Variants in KRT3 observed in about 807,000 individuals in gnomAD.
KRT3 encodes keratin, type II cytoskeletal 3.
KRT3 carries 34 observed loss-of-function variants against 45.8 expected under a neutral mutation model. The observed-to-expected ratio is 0.74, with a 90% CI of 0.57 to 0.99. KRT3 has a LOEUF of 0.99. Among genes scored for constraint, KRT3 ranks in the 50% least tolerant of loss-of-function variants. The probability of loss-of-function intolerance (pLI) is 0.00; values close to 1 mark genes in which losing one functional copy is unlikely to be tolerated. For synonymous variants in KRT3, 367 were observed against 329.0 expected (o/e 1.12, Z -1.25); for missense variants, 828 against 820.6 (o/e 1.01, Z -0.11).
chr12:52,789,876 A>G lies in KRT3; in HGVS notation c.*166T>C. The G allele has an allele frequency of 1.4e-6, 1 of 727,164 alleles. No individual in the cohort carries two copies. The highest frequency in any genetic ancestry group is 2.3e-6 in the Non-Finnish European group (1 of 431,732). The allele number at this position is 727,164 out of a possible 1,614,324, so 45.0% of individuals were successfully genotyped here. A position where few individuals can be genotyped will look rare whatever the true frequency, so the allele number is the denominator to read the frequency against. On this transcript the variant is annotated 3_prime_UTR_variant, in exon 9 of 9. Transcript: ENST00000417996. ...GAGAGAAGAGCCTGAAATTCTCGTG[A>G]CTGGGCTTGGCCGGGGATCTGGAAG...
chr12:52,792,525 C>T, intron 4 of KRT3, 122 bp from the exon 5 acceptor site: 1 of 1,093,354 alleles, frequency 9.1e-7, no homozygotes, highest in Non-Finnish European at 1.4e-6. Flanking sequence ...GTATCAGCCA[C>T]ACCCTGTCCG....
intron 4 of KRT3, 139 bp from the exon 5 acceptor site, chr12:52,792,542 C>T (rs1565678316): frequency 2.0e-6 from 2 of 999,606 alleles, no homozygotes; most frequent in Non-Finnish European, 3.1e-6. Flanking sequence ...TCCGCAGCCA[C>T]TCAGAGAACC....
chr12:52,794,397 C>G (rs1469422894), intron 1 of KRT3, 66 bp from the exon 2 acceptor site: 3 of 1,209,152 alleles, frequency 2.5e-6, no homozygotes, highest in Admixed American at 3.4e-5. Flanking sequence ...GGCCTTCACT[C>G]AGGTAGGACT....
intron 3 of KRT3, 48 bp from the exon 4 acceptor site, chr12:52,792,854 G>T: frequency 8.1e-7 from 1 of 1,237,654 alleles, no homozygotes; most frequent in Non-Finnish European, 1.2e-6. Flanking sequence ...TGAACAAACA[G>T]CAAACCACAA....
intron 5 of KRT3, 52 bp downstream of exon 5, chr12:52,792,187 A>T: frequency 6.5e-7 from 1 of 1,532,536 alleles, no homozygotes; most frequent in Non-Finnish European, 9.0e-7. Context: ...CCAATAGGCC[A>T]TGGCCTCTCT....
chr12:52,794,043 G>A (rs771542642), intron 2 of KRT3, 68 bp downstream of exon 2: 44 of 1,264,532 alleles, frequency 3.5e-5, no homozygotes, highest in Middle Eastern at 4.9e-4. Context: ...CAGGGGGCAT[G>A]TAGAAGGGGC....
At position 52,794,242 on chromosome 12, in the gene KRT3, G is replaced by C. The variant is rs762989962; in HGVS notation, c.735C>G (p.Asn245Lys). The C allele has an allele frequency of 6.2e-6, 10 of 1,614,020 alleles. No homozygotes were observed. Among genetic ancestry groups the C allele is most frequent in the Non-Finnish European group, 8.5e-6 (10 of 1,179,976 alleles). The change falls in exon 2 of 9, where the codon AAC becomes AAG. Residue 245 changes from asparagine to lysine, a missense_variant. By Grantham distance (94) the Asn-to-Lys change is moderately conservative (BLOSUM62 0). Coordinates refer to ENST00000417996, the MANE Select transcript of KRT3 (RefSeq NM_057088.3). Reference protein sequence around the residue: ...QQGTSSISGTNNLEPLFENHI... With the variant: ...QQGTSSISGTKNLEPLFENHI... ...GATTCTCAAAAAGAGGCTCAAGGTT[G>C]TTTGTGCCTGAGATGGAACTTGTGC... is the stretch of plus-strand genomic sequence containing the variant.
In KRT3 at chr12:52,791,430, G is replaced by C. The variant is rs1196491663; in HGVS notation, c.1315-4C>G. 6.2e-7 allele frequency: 1 copy of C among 1,613,918 alleles called. No homozygotes were observed. Among genetic ancestry groups the C allele is most frequent in the South Asian group, 1.1e-5 (1 of 91,060 alleles). ...TGGCCGTCTGCAGGTTGGCATTCTG[G>C]GGCAAGGGAGGTAGGAGGAATGAGC... On this transcript the variant is annotated splice_region_variant and splice_polypyrimidine_tract_variant and intron_variant, in intron 6 of 8. Coordinates refer to ENST00000417996, the MANE Select transcript of KRT3 (RefSeq NM_057088.3).
rs757365353 is a variant in KRT3, at chr12:52,795,792, C to T, written c.251G>A (p.Arg84Gln). The T allele has an allele frequency of 2.4e-5, 39 of 1,613,932 alleles. No homozygotes were observed. The highest frequency in any genetic ancestry group is 5.0e-5 in the Admixed American group (3 of 60,004). Residue 84 changes from arginine to glutamine, a missense_variant, in exon 1 of 9, where the codon CGG becomes CAG. Arg to Gln is a conservative substitution (Grantham distance 43). Transcript: ENST00000417996. ...GCCACCTGCAAAGGCACAGCTGCTC[C>T]GCCCTCCCCCAAAGCCTCCAGCCCG... ...GSRAGGFGGG[R>Q]SSCAFAGGYG... is the part of the protein sequence containing the mutation.
In KRT3 at chr12:52,790,874, T is replaced by C. The variant is rs765471128; in HGVS notation, c.1536-2A>G. 9 of 1,597,072 alleles carry C rather than the reference T, an allele frequency of 5.6e-6. No individual in the cohort carries two copies. The highest frequency in any genetic ancestry group is 1.3e-5 in the African/African-American group (1 of 74,590). On this transcript the variant is annotated splice_acceptor_variant, in intron 7 of 8. Transcript: ENST00000417996. LOFTEE classifies it high-confidence loss of function. Reference sequence around the variant, plus strand: ...GCACTCGGACACTCTCCAGACATCCTGTTTGAGAAAGCAAGAGAAAGTGGG... The same window carrying C: ...GCACTCGGACACTCTCCAGACATCCCGTTTGAGAAAGCAAGAGAAAGTGGG...
intron 2 of KRT3, among the ~76,000 whole-genome samples, 182 bp from the exon 3 acceptor site, chr12:52,793,405 A>G (rs908722586): frequency 4.6e-5 from 7 of 152,152 alleles, no homozygotes; most frequent in Non-Finnish European, 7.3e-5. Context: ...CAATTTGCCC[A>G]GGCAAACTGT....
At chr12:52,793,079 T>C in intron 3 of KRT3, 84 bp downstream of exon 3, 1 of 1,094,012 alleles carries the variant, frequency 9.1e-7, no homozygotes, top group Non-Finnish European at 1.4e-6. Flanking sequence ...TTGGCAGCTC[T>C]GTGGCAGTGG....
At chr12:52,790,526 C>T (rs1216138160) in intron 8 of KRT3, among the ~76,000 whole-genome samples, 168 bp from the exon 9 acceptor site, 3 of 152,180 alleles carry the variant, frequency 2.0e-5, no homozygotes, top group Admixed American at 6.5e-5. Context: ...ACTCCCCTGC[C>T]GTTAAGCCAT....
chr12:52,795,059 G>A (rs1247568617), intron 1 of KRT3, among the ~76,000 whole-genome samples: 2 of 152,174 alleles, frequency 1.3e-5, no homozygotes, highest in South Asian at 2.1e-4. Context: ...CATTCTTGGT[G>A]GACCCTTCGC....
At position 52,790,833 on chromosome 12, in the gene KRT3, C is replaced by T. The variant is rs779664762; in HGVS notation, c.1570+5G>A. The T allele has an allele frequency of 5.0e-6, 8 of 1,590,002 alleles. No homozygotes were observed. The highest frequency in any genetic ancestry group is 1.1e-5 in the South Asian group (1 of 87,294). ...CTCATTTTCTTAGCTACTTTCGGTA[C>T]TTACAGATGCTGACAGCACTCGGAC... On this transcript the variant is annotated splice_donor_5th_base_variant and intron_variant, in intron 8 of 8. Transcript: ENST00000417996.
chr12:52,794,437 A>G (rs1939594594), intron 1 of KRT3, 106 bp from the exon 2 acceptor site: 3 of 754,680 alleles, frequency 4.0e-6, no homozygotes, highest in Non-Finnish European at 6.8e-6. Flanking sequence ...CCCCAGCACA[A>G]AGGCCTAGAA....
chr12:52,790,143 G>A lies in KRT3; in HGVS notation c.1786C>T (p.Arg596Cys), dbSNP rs1263633779. ...GSGFGSISGA[R>C]YGVSGGGFSS... ...AAGCCCCCGCCACTGACTCCATAGC[G>A]GGCGCCAGAGATGGAGCCAAAGCCG... The change falls in exon 9 of 9, where the codon CGC becomes TGC. Residue 596 changes from arginine to cysteine, a missense_variant. Transcript: ENST00000417996. The A allele has an allele frequency of 6.8e-7, 1 of 1,471,434 alleles. No homozygotes were observed. 91.1% of individuals were successfully genotyped at this position (1,471,434 alleles called of 1,614,324 possible). A position where few individuals can be genotyped will look rare whatever the true frequency, so the allele number is the denominator to read the frequency against.
chr12:52,795,568 C>T lies in KRT3; in HGVS notation c.475G>A (p.Gly159Ser), dbSNP rs1939618003. The T allele has an allele frequency of 1.2e-6, 2 of 1,610,444 alleles. No homozygotes were observed. The highest frequency in any genetic ancestry group is 1.7e-6 in the Non-Finnish European group (2 of 1,178,166). The change falls in exon 1 of 9, where the codon GGT becomes AGT. Residue 159 changes from glycine to serine, a missense_variant. Physicochemically the swap from Gly to Ser is moderately conservative, Grantham distance 56. Transcript: ENST00000417996. ...GGAAAGCCCCCAGGGCCAAAGCCAC[C>T]AGGACTGCCCAAGCTGCCAGGCCCA... ...FGGPGSLGSP[G>S]GFGPGGFPGG...
At chr12:52,794,412 G>A (rs1939594007) in intron 1 of KRT3, 81 bp from the exon 2 acceptor site, 1 of 1,001,984 alleles carries the variant, frequency 1.0e-6, no homozygotes, top group Non-Finnish European at 1.5e-6. Context: ...AGGACTAGGT[G>A]TCTATCTCCT....
Sources: allele counts gnomAD v4.1 joint callset (sites outside exome capture counted in the v4.1 genomes callset), GRCh38; gene constraint gnomAD v4.1.1; transcripts MANE v1.5; gene names NCBI Gene and HGNC (gene_info 2026-07-23, HGNC 2026-07-21).